The following PALLD variants were observed in gnomAD, a reference collection of about 807,000 sequenced individuals.
PALLD encodes the protein palladin.
PALLD carries 61 observed loss-of-function variants against 123.5 expected under a neutral mutation model. That is an observed-to-expected ratio of 0.49 (90% CI 0.40 to 0.61). PALLD has a LOEUF of 0.61. Ranked by LOEUF, PALLD falls within the 20% of genes least tolerant of loss-of-function variation. The pLI is 0.00. For missense variants in PALLD, 1,273 were observed against 1,377.0 expected (o/e 0.92, Z 1.20); for synonymous variants, 465 against 496.4 (o/e 0.94, Z 0.84).
At chr4:168,497,530 T>C (rs1223264145) in intron 1 of PALLD, among the ~76,000 whole-genome samples, 5 of 152,186 alleles carry the variant, frequency 3.3e-5, no homozygotes, top group Admixed American at 6.5e-5. Flanking sequence ...CGTGTATGTG[T>C]TATGTTTCAC....
intron 10 of PALLD, among the ~76,000 whole-genome samples, chr4:168,882,017 G>A (rs1752677993): frequency 6.6e-6 from 1 of 152,164 alleles, no homozygotes; most frequent in South Asian, 2.1e-4. Context: ...TGCTCATAAG[G>A]GAGTGCCACA....
chr4:168,674,116 TG>T (rs1287227770), intron 3 of PALLD, among the ~76,000 whole-genome samples: 3 of 152,176 alleles, frequency 2.0e-5, no homozygotes, highest in African/African-American at 7.2e-5. Context: ...GGTTTTGCCA[TG>T]GTGGCCAGGC....
chr4:168,502,786 TC>T (rs925108901), intron 1 of PALLD, among the ~76,000 whole-genome samples: 7 of 152,150 alleles, frequency 4.6e-5, no homozygotes, highest in Admixed American at 4.6e-4. Context: ...CACGCGTAGT[TC>T]TAGCTACTCA....
intron 10 of PALLD, among the ~76,000 whole-genome samples, chr4:168,842,749 A>G (rs1042715147): frequency 1.3e-5 from 2 of 152,290 alleles, no homozygotes; most frequent in South Asian, 4.1e-4. Context: ...AGTTCTCTCT[A>G]TCTGCTCCGT....
chr4:168,918,783 C>T (rs1760795982), intron 17 of PALLD, among the ~76,000 whole-genome samples: 1 of 152,114 alleles, frequency 6.6e-6, no homozygotes, highest in African/African-American at 2.4e-5. Flanking sequence ...GAATTACATA[C>T]AATTTTTATC....
intron 15 of PALLD, among the ~76,000 whole-genome samples, chr4:168,905,790 C>CTTT (rs59427697): frequency 5.2e-4 from 59 of 113,124 alleles, no homozygotes; most frequent in Non-Finnish European, 6.2e-4. Context: ...GCTTTTTTTT[C>CTTT]TTTTTTTTTT....
intron 2 of PALLD, among the ~76,000 whole-genome samples, chr4:168,521,459 GAA>G (rs111426601): frequency 6.1e-4 from 93 of 152,298 alleles, no homozygotes; most frequent in Middle Eastern, 3.4e-3. Flanking sequence ...TTAACACAGA[GAA>G]AGAGTTTAAA....
intron 2 of PALLD, among the ~76,000 whole-genome samples, chr4:168,649,873 T>C (rs1414219079): frequency 6.6e-6 from 1 of 152,230 alleles, no homozygotes; most frequent in African/African-American, 2.4e-5. Flanking sequence ...TTGTACATTT[T>C]AATAAGTTTA....
At chr4:168,902,093 G>A (rs564459114) in intron 14 of PALLD, among the ~76,000 whole-genome samples, 7 of 152,136 alleles carry the variant, frequency 4.6e-5, no homozygotes, top group African/African-American at 1.7e-4. Flanking sequence ...ATATATTTCT[G>A]GTCTTTTCCT....
intron 10 of PALLD, among the ~76,000 whole-genome samples, chr4:168,721,715 ATG>A (rs1786038979): frequency 6.6e-6 from 1 of 152,138 alleles, no homozygotes; most frequent in African/African-American, 2.4e-5. Flanking sequence ...ACTGTTCATC[ATG>A]GATGCTTCTT....
intron 15 of PALLD, among the ~76,000 whole-genome samples, chr4:168,911,312 A>C (rs1343844453): frequency 6.6e-6 from 1 of 152,218 alleles, no homozygotes; most frequent in East Asian, 1.9e-4. Flanking sequence ...TTTAACTTAC[A>C]TTATATCTTT....
intron 10 of PALLD, among the ~76,000 whole-genome samples, chr4:168,878,579 A>T (rs78649111): frequency 1.3e-4 from 20 of 151,786 alleles, no homozygotes; most frequent in African/African-American, 4.6e-4. Context: ...ATTCTTGCGT[A>T]GCCACTTAAC....
At chr4:168,744,232 AGGAAGAGAGT>A (rs1384879248) in intron 10 of PALLD, among the ~76,000 whole-genome samples, 14 of 152,278 alleles carry the variant, frequency 9.2e-5, no homozygotes, top group Admixed American at 3.3e-4. Flanking sequence ...GTGCGTGTCC[AGGAAGAGAGT>A]GCTGCTAACA....
chr4:168,677,061 T>G (rs1262235548), intron 3 of PALLD, among the ~76,000 whole-genome samples: 1 of 152,128 alleles, frequency 6.6e-6, no homozygotes. Context: ...GAACAGATGA[T>G]AGTAACTACA....
intron 10 of PALLD, among the ~76,000 whole-genome samples, chr4:168,850,912 G>A (rs1747677714): frequency 6.6e-6 from 1 of 152,096 alleles, no homozygotes; most frequent in Non-Finnish European, 1.5e-5. Flanking sequence ...TCTTTTTACT[G>A]CTGCTTAGCA....
intron 1 of PALLD, among the ~76,000 whole-genome samples, chr4:168,510,587 T>C (rs1762440581): frequency 6.6e-6 from 1 of 152,238 alleles, no homozygotes; most frequent in South Asian, 2.1e-4. Context: ...CCAACCCTTT[T>C]TGTATGCCCT....
At chr4:168,629,721 G>A (rs750330187) in intron 2 of PALLD, among the ~76,000 whole-genome samples, 17 of 151,890 alleles carry the variant, frequency 1.1e-4, no homozygotes, top group Non-Finnish European at 2.2e-4. Flanking sequence ...ACCGCGTAAC[G>A]TTGGGATAGT....
chr4:168,879,937 G>A (rs1391896222), intron 10 of PALLD, among the ~76,000 whole-genome samples: 1 of 151,914 alleles, frequency 6.6e-6, no homozygotes, highest in Non-Finnish European at 1.5e-5. Flanking sequence ...CTGTTAGAGA[G>A]ACCCAAAGAG....
chr4:168,636,898 TC>T (rs1299489229), intron 2 of PALLD, among the ~76,000 whole-genome samples: 1 of 152,078 alleles, frequency 6.6e-6, no homozygotes, highest in Non-Finnish European at 1.5e-5. Context: ...GAGTCTTGCC[TC>T]CCTGGATGTG....
Sources: allele counts gnomAD v4.1 joint callset (sites outside exome capture counted in the v4.1 genomes callset), GRCh38; gene constraint gnomAD v4.1.1; transcripts MANE v1.5; gene names NCBI Gene and HGNC (gene_info 2026-07-23, HGNC 2026-07-21).